TMEM123: variants seen among roughly 807,000 people sequenced by gnomAD.
TMEM123 encodes the protein transmembrane protein 123.
TMEM123 carries 16 observed loss-of-function variants against 19.7 expected under a neutral mutation model. The ratio of observed to expected loss-of-function variants is 0.81; its 90% CI spans 0.55 to 1.23. The LOEUF (loss-of-function observed/expected upper bound fraction) is 1.23, where lower values mean the gene tolerates loss of function less well. Ranked by LOEUF, TMEM123 falls within the 50% of genes most tolerant of loss-of-function variation. The pLI, the probability that TMEM123 is intolerant of heterozygous loss-of-function variation, is 0.00. For missense variants in TMEM123, 313 were observed against 257.8 expected, an observed-to-expected ratio of 1.21 and a Z score of -1.47; for synonymous variants, 118 against 99.4, an observed-to-expected ratio of 1.19 and a Z score of -1.12.
At chr11:102,407,375 C>G (rs1004735936) in intron 2 of TMEM123, among the ~76,000 whole-genome samples, 6 of 152,198 alleles carry the variant, frequency 3.9e-5, no homozygotes, top group Non-Finnish European at 8.8e-5. Flanking sequence ...TATAACACCT[C>G]AGCTAGTGCA....
intron 2 of TMEM123, among the ~76,000 whole-genome samples, chr11:102,431,264 C>T (rs568512532): frequency 6.6e-6 from 1 of 152,300 alleles, no homozygotes; most frequent in East Asian, 1.9e-4. Flanking sequence ...ACCTCACATA[C>T]TTATCTTTGT....
At chr11:102,431,947 G>A (rs1006918504) in intron 2 of TMEM123, among the ~76,000 whole-genome samples, 2 of 152,150 alleles carry the variant, frequency 1.3e-5, no homozygotes, top group African/African-American at 2.4e-5. Flanking sequence ...CTGTGAAGAG[G>A]CGCCTTCTGC....
At chr11:102,413,309 A>G (rs543747984) in intron 2 of TMEM123, among the ~76,000 whole-genome samples, 2 of 152,326 alleles carry the variant, frequency 1.3e-5, no homozygotes, top group South Asian at 2.1e-4. Context: ...TTGCTCTGTC[A>G]AAACTGTTGG....
rs569743769 is a variant in TMEM123 at position 102,427,272 on chromosome 11, A to G, written c.157+21540T>C. Among the ~76,000 whole-genome samples, 5 of 152,014 alleles carry G rather than the reference A, an allele frequency of 3.3e-5. No individual in the cohort carries two copies. In the South Asian group the frequency reaches 8.3e-4, roughly 25 times the overall value. ...ATCCTACCACACTTACATGAACTCG[A>G]TCAGTCTTCAGTCTTAACTTGTTCC... On this transcript the variant is annotated intron_variant, in intron 2 of 4. Coordinates refer to ENST00000398136, the MANE Select transcript of TMEM123 (RefSeq NM_052932.3).
rs1274584506 is a variant in TMEM123, at chr11:102,431,671, A to G, written c.157+17141T>C. On this transcript the variant is annotated intron_variant, in intron 2 of 4. Transcript: ENST00000398136. ...ATAGTATTCCATTGTGTGTATATGT[A>G]TCACATGTGCTTTATCCATTCATCT... Among the ~76,000 whole-genome samples, 6 of 152,196 alleles carry G rather than the reference A, an allele frequency of 3.9e-5. No homozygotes were observed. The South Asian group carries it at 1.0e-3, about 26-fold the overall frequency.
At chr11:102,420,874 C>A (rs1399564601) in intron 2 of TMEM123, among the ~76,000 whole-genome samples, 5 of 152,096 alleles carry the variant, frequency 3.3e-5, no homozygotes, top group Non-Finnish European at 5.9e-5. Context: ...ATGGTGAAAC[C>A]CTGTCTCTGC....
chr11:102,414,318 G>C (rs1046802705), intron 2 of TMEM123, among the ~76,000 whole-genome samples: 1 of 152,108 alleles, frequency 6.6e-6, no homozygotes, highest in Admixed American at 6.5e-5. Context: ...ACTCACTAAA[G>C]AGGTCAACTT....
chr11:102,397,598 T>C lies in TMEM123; in HGVS notation c.*1269A>G, dbSNP rs1202332516. On this transcript the variant is annotated 3_prime_UTR_variant, in exon 5 of 5. Coordinates refer to ENST00000398136, the MANE Select transcript of TMEM123 (RefSeq NM_052932.3). ...AGAGTACTTCTCCTTCAGCATGGAG[T>C]AAGAGGAGGGATTTGAGGGAATATC... is the stretch of plus-strand genomic sequence containing the variant. 1.3e-5 allele frequency: 2 copies of C among 152,074 alleles called. No homozygotes were observed. Among genetic ancestry groups the C allele is most frequent in the African/African-American group, 2.4e-5 (1 of 41,396 alleles). 9.4% of individuals were successfully genotyped at this position (152,074 alleles called of 1,614,324 possible). A position where few individuals can be genotyped will look rare whatever the true frequency, so the allele number is the denominator to read the frequency against.
At chr11:102,399,646 G>A (rs1951892840) in intron 4 of TMEM123, among the ~76,000 whole-genome samples, 2 of 152,144 alleles carry the variant, frequency 1.3e-5, no homozygotes, top group Admixed American at 6.5e-5. Flanking sequence ...ATAAATATAT[G>A]CAACGTAACT....
intron 2 of TMEM123, among the ~76,000 whole-genome samples, chr11:102,444,319 T>C (rs777267220): frequency 6.6e-6 from 1 of 151,378 alleles, no homozygotes; most frequent in Non-Finnish European, 1.5e-5. Context: ...AATGATAGAG[T>C]GGATTAAGAC....
At chr11:102,444,408 A>T (rs1857860333) in intron 2 of TMEM123, among the ~76,000 whole-genome samples, 1 of 152,092 alleles carries the variant, frequency 6.6e-6, no homozygotes, top group Non-Finnish European at 1.5e-5. Flanking sequence ...ACATGGATGA[A>T]GCTGGAAACC....
At chr11:102,400,763 C>G (rs1951905980) in intron 4 of TMEM123, among the ~76,000 whole-genome samples, 1 of 152,208 alleles carries the variant, frequency 6.6e-6, no homozygotes, top group Non-Finnish European at 1.5e-5. Flanking sequence ...AAGGCCCTTA[C>G]TAGAACTCAA....
chr11:102,439,433 G>A (rs887817180), intron 2 of TMEM123, among the ~76,000 whole-genome samples: 1 of 152,080 alleles, frequency 6.6e-6, no homozygotes, highest in African/African-American at 2.4e-5. Context: ...AGGCAAACAG[G>A]GTCTGGAGTG....
intron 2 of TMEM123, among the ~76,000 whole-genome samples, chr11:102,434,652 T>C (rs144506296): frequency 1.5e-4 from 23 of 152,102 alleles, no homozygotes; most frequent in African/African-American, 5.3e-4. Flanking sequence ...TAAAATATCA[T>C]TGCCCAGACC....
In TMEM123 at chr11:102,397,600, A is replaced by T. The variant is rs928791787; in HGVS notation, c.*1267T>A. On this transcript the variant is annotated 3_prime_UTR_variant, in exon 5 of 5. Coordinates refer to ENST00000398136, the MANE Select transcript of TMEM123 (RefSeq NM_052932.3). ...AGTACTTCTCCTTCAGCATGGAGTA[A>T]GAGGAGGGATTTGAGGGAATATCCA... is the stretch of plus-strand genomic sequence containing the variant. The T allele has an allele frequency of 3.3e-5, 5 of 152,196 alleles. No homozygotes were observed. The highest frequency in any genetic ancestry group is 1.2e-4 in the African/African-American group (5 of 41,452). The allele number at this position is 152,196 out of a possible 1,614,324, so 9.4% of individuals were successfully genotyped here.
At chr11:102,406,664 A>C (rs540983502) in intron 2 of TMEM123, among the ~76,000 whole-genome samples, 2 of 152,080 alleles carry the variant, frequency 1.3e-5, no homozygotes, top group South Asian at 2.1e-4. Context: ...TCACGAGGTC[A>C]GGAGATCGAT....
At chr11:102,427,927 G>T (rs973902888) in intron 2 of TMEM123, among the ~76,000 whole-genome samples, 5 of 151,816 alleles carry the variant, frequency 3.3e-5, no homozygotes, top group African/African-American at 1.2e-4. Context: ...TTTACTCTGA[G>T]ATTCAGAAAA....
chr11:102,418,070 G>GA (rs71063079), intron 2 of TMEM123, among the ~76,000 whole-genome samples: 138,529 of 149,216 alleles, frequency 0.93, 64,368 homozygotes, highest in East Asian at 0.99. Context: ...GAGGGAAGCA[G>GA]AAAAAAAAAA....
chr11:102,435,008 T>C (rs769998837), intron 2 of TMEM123, among the ~76,000 whole-genome samples: 5 of 151,824 alleles, frequency 3.3e-5, no homozygotes, highest in Non-Finnish European at 7.4e-5. Flanking sequence ...TGGAAGTACA[T>C]TGAATAATTA....
Sources: gnomAD v4.1 joint callset for allele counts (sites outside exome capture counted in the v4.1 genomes callset) on GRCh38, gnomAD v4.1.1 for gene constraint, MANE v1.5 for transcripts, NCBI Gene and HGNC (gene_info 2026-07-23, HGNC 2026-07-21) for gene names.